Variants in SCYL2 observed in about 807,000 individuals in gnomAD.
The protein encoded by SCYL2 is SCY1-like protein 2.
SCYL2 carries 36 observed loss-of-function variants against 100.4 expected under a neutral mutation model. The ratio of observed to expected loss-of-function variants is 0.36; its 90% confidence interval spans 0.27 to 0.47. The LOEUF (loss-of-function observed/expected upper bound fraction) is 0.47. Among genes scored for constraint, SCYL2 ranks in the 20% least tolerant of loss-of-function variants. The pLI is 1.00. For missense variants in SCYL2, 902 were observed against 1,083.9 expected (o/e 0.83, Z 2.36); for synonymous variants, 330 against 359.2 (o/e 0.92, Z 0.92).
rs202222892 is a variant in SCYL2, at chr12:100,339,015, G to A, written c.2633G>A (p.Gly878Asp). 1.2e-6 allele frequency: 2 copies of A among 1,614,108 alleles called. No homozygotes were observed. The highest frequency in any genetic ancestry group is 1.3e-5 in the African/African-American group (1 of 75,038). ...FVPPQGSPTM[G>D]SSVMGTQMNV... ...CCTCCTCAAGGTTCTCCAACTATGGGCAGTTCAGTAATGGGGACACAGATG... is the reference window on the plus strand; with the variant it reads ...CCTCCTCAAGGTTCTCCAACTATGGACAGTTCAGTAATGGGGACACAGATG... Residue 878 changes from glycine (G) to aspartate (D), a missense_variant, in exon 18 of 18, where the codon GGC (glycine) becomes GAC (aspartate). By Grantham distance (94) the Gly-to-Asp change is moderately conservative. Coordinates refer to ENST00000360820, the MANE Select transcript of SCYL2 (RefSeq NM_017988.6).
At chr12:100,301,324 T>C (rs904915746) in intron 4 of SCYL2, among the ~76,000 whole-genome samples, 1 of 152,236 alleles carries the variant, frequency 6.6e-6, no homozygotes, top group Admixed American at 6.5e-5. Context: ...TTCAAATCTT[T>C]TGCCCATTTT....
In SCYL2 at chr12:100,291,768, C is replaced by CT. The variant is rs2096310996; in HGVS notation, c.335+109dup. ...ATTGTCAGTGAAAAATTCTTATACT[C>CT]TAAGTGTTGAGTTCTTATGCATTAG... On this transcript the variant is annotated intron_variant, in intron 3 of 17. Transcript: ENST00000360820. 16 of 1,068,970 alleles carry CT rather than the reference C, an allele frequency of 1.5e-5. No individual in the cohort carries two copies. In the South Asian group the frequency reaches 1.7e-4, roughly 11 times the overall value. 66.2% of individuals were successfully genotyped at this position (1,068,970 alleles called of 1,614,324 possible). A position where few individuals can be genotyped will look rare whatever the true frequency, so the allele number is the denominator to read the frequency against.
intron 4 of SCYL2, among the ~76,000 whole-genome samples, chr12:100,304,956 A>G (rs1185033505): frequency 6.6e-6 from 1 of 152,186 alleles, no homozygotes; most frequent in Non-Finnish European, 1.5e-5. Flanking sequence ...AGAGCTAACT[A>G]TCCTAAATAT....
At chr12:100,269,909 A>C (rs567981366) in intron 1 of SCYL2, among the ~76,000 whole-genome samples, 52 of 152,200 alleles carry the variant, frequency 3.4e-4, no homozygotes, top group Non-Finnish European at 6.6e-4. Flanking sequence ...GATGTTCACC[A>C]GAATTTGAAA....
At chr12:100,300,164 G>A (rs923601213) in intron 4 of SCYL2, among the ~76,000 whole-genome samples, 3 of 152,022 alleles carry the variant, frequency 2.0e-5, no homozygotes, top group Non-Finnish European at 4.4e-5. Flanking sequence ...ATCTTTTTAG[G>A]TGAAATATCT....
intron 10 of SCYL2, among the ~76,000 whole-genome samples, chr12:100,319,550 CCTTT>C (rs1258047207): frequency 6.6e-6 from 1 of 152,046 alleles, no homozygotes; most frequent in African/African-American, 2.4e-5. Flanking sequence ...AGCATTTCTT[CCTTT>C]GTTTTTCCAG....
intron 17 of SCYL2, among the ~76,000 whole-genome samples, chr12:100,338,307 G>A (rs1008935236): frequency 2.0e-5 from 3 of 152,074 alleles, no homozygotes; most frequent in African/African-American, 7.2e-5. Context: ...TTTACAGTTA[G>A]TGTTCCCTAT....
intron 16 of SCYL2, among the ~76,000 whole-genome samples, 174 bp downstream of exon 16, chr12:100,336,080 C>T (rs1243272773): frequency 6.6e-6 from 1 of 152,080 alleles, no homozygotes; most frequent in African/African-American, 2.4e-5. Context: ...TGAGAATAAA[C>T]ATACTTAAGA....
chr12:100,323,458 A>G, intron 10 of SCYL2, 67 bp from the exon 11 acceptor site: 1 of 957,996 alleles, frequency 1.0e-6, no homozygotes. Flanking sequence ...CAAATGCAAA[A>G]CTTTGTAATA....
At chr12:100,288,987 G>A (rs1282895592) in intron 2 of SCYL2, among the ~76,000 whole-genome samples, 2 of 151,906 alleles carry the variant, frequency 1.3e-5, no homozygotes, top group East Asian at 1.9e-4. Context: ...GATTACAGGC[G>A]TGAGCTACCG....
At position 100,338,611 on chromosome 12, in the gene SCYL2, A is replaced by G; in HGVS notation, c.2229A>G (p.Ser743=). The part of the protein sequence containing the change: ...LSVSTPKSSA[S]STFTSVPSMG... ...TTAGTACCCCTAAATCTTCTGCTTC[A>G]AGTACTTTCACTTCTGTTCCTTCCA... The change falls in exon 18 of 18, where the codon TCA becomes TCG. Residue 743 remains serine, a synonymous_variant. Coordinates refer to ENST00000360820, the MANE Select transcript of SCYL2 (RefSeq NM_017988.6). 12 of 1,613,920 alleles carry G rather than the reference A, an allele frequency of 7.4e-6. No individual in the cohort carries two copies. The highest frequency in any genetic ancestry group is 1.0e-5 in the Non-Finnish European group (12 of 1,179,872).
At chr12:100,291,756 A>C (rs1349610860) in intron 3 of SCYL2, 96 bp downstream of exon 3, 18 of 1,217,328 alleles carry the variant, frequency 1.5e-5, no homozygotes, top group Non-Finnish European at 1.8e-5. Flanking sequence ...GTCAGTGAAA[A>C]ATTCTTATAC....
At position 100,270,012 on chromosome 12, in the gene SCYL2, A is replaced by T. The variant is rs11110325; in HGVS notation, c.-29+2220A>T. On this transcript the variant is annotated intron_variant, in intron 1 of 17. Transcript: ENST00000360820. ...CTTTTTTTTTTTTTTTGTGAGACGG[A>T]GTGTCACTCTGTCACCCAGGCTGGA... Among the ~76,000 whole-genome samples, 756 of 147,684 alleles carry T rather than the reference A, an allele frequency of 5.1e-3. 13 individuals are homozygous for T. Among genetic ancestry groups the T allele is most frequent in the African/African-American group, 0.018 (718 of 39,718 alleles).
chr12:100,298,344 G>A (rs1010882655), intron 4 of SCYL2, among the ~76,000 whole-genome samples, 169 bp downstream of exon 4: 8 of 151,906 alleles, frequency 5.3e-5, no homozygotes, highest in African/African-American at 1.5e-4. Context: ...TTTGTTGTTC[G>A]GGTTAAATAA....
Position 100,314,957 on chromosome 12 carries a change from C to G in SCYL2, c.1095+343C>G, listed in dbSNP as rs1295986328. 3.3e-5 allele frequency among the ~76,000 whole-genome samples: 5 copies of G among 152,136 alleles called. No individual in the cohort carries two copies. The East Asian group carries it at 9.6e-4, about 29-fold the overall frequency. On this transcript the variant is annotated intron_variant, in intron 8 of 17. Transcript: ENST00000360820. ...GTTAGCCTTTCCAATTCCTTTACTC[C>G]TTTTCTGACTTATTAAATGATGAGT...
rs58264978 is a variant in SCYL2, at chr12:100,298,571, C to T, written c.480+396C>T. On this transcript the variant is annotated intron_variant, in intron 4 of 17. Transcript: ENST00000360820. Reference sequence around the variant, plus strand: ...TAGCCTTTTCTTTTCTTTTTTGAGACGGAGTTTCACTCTTGTTGCCCAGGC... The same window carrying T: ...TAGCCTTTTCTTTTCTTTTTTGAGATGGAGTTTCACTCTTGTTGCCCAGGC... 8.0e-3 allele frequency among the ~76,000 whole-genome samples: 1,215 copies of T among 152,078 alleles called. 16 individuals carry two copies. The highest frequency in any genetic ancestry group is 0.027 in the African/African-American group (1,117 of 41,492).
chr12:100,335,331 T>C (rs1455139147), intron 14 of SCYL2, among the ~76,000 whole-genome samples: 1 of 152,068 alleles, frequency 6.6e-6, no homozygotes, highest in African/African-American at 2.4e-5. Flanking sequence ...ATATCTTGTC[T>C]TTGAGTGAGA....
intron 12 of SCYL2, among the ~76,000 whole-genome samples, chr12:100,328,151 G>A (rs1011938215): frequency 6.6e-6 from 1 of 152,034 alleles, no homozygotes; most frequent in African/African-American, 2.4e-5. Context: ...GGTAGCATGC[G>A]CCTGTAGTCC....
intron 11 of SCYL2, 113 bp downstream of exon 11, chr12:100,323,751 G>T: frequency 1.6e-6 from 1 of 619,464 alleles, no homozygotes; most frequent in Non-Finnish European, 2.8e-6. Context: ...CATCTTGGCT[G>T]TAGATAACTT....
Sources: allele counts gnomAD v4.1 joint callset (sites outside exome capture counted in the v4.1 genomes callset), GRCh38; gene constraint gnomAD v4.1.1; transcripts MANE v1.5; gene names NCBI Gene and HGNC (gene_info 2026-07-23, HGNC 2026-07-21).